THSD4: variants seen among roughly 807,000 people sequenced by gnomAD.
THSD4 encodes the protein thrombospondin type-1 domain-containing protein 4.
Under a neutral mutation model 119.0 loss-of-function variants are expected in THSD4, and 69 were observed. The ratio of observed to expected loss-of-function variants is 0.58; its 90% CI spans 0.48 to 0.71. The LOEUF is 0.71. Ranked by LOEUF, THSD4 falls within the 30% of genes least tolerant of loss-of-function variation. THSD4 has a pLI of 0.00. For missense variants in THSD4, 1,393 were observed against 1,391.1 expected (o/e 1.00, Z -0.02); for synonymous variants, 524 against 540.4 (o/e 0.97, Z 0.42).
intron 6 of THSD4, among the ~76,000 whole-genome samples, chr15:71,383,901 G>C (rs1228015519): frequency 6.6e-6 from 1 of 152,112 alleles, no homozygotes; most frequent in Non-Finnish European, 1.5e-5. Context: ...TTTTACATAG[G>C]AGACTTGATC....
chr15:71,266,780 G>C (rs2044469705), intron 6 of THSD4, among the ~76,000 whole-genome samples: 1 of 151,914 alleles, frequency 6.6e-6, no homozygotes, highest in African/African-American at 2.4e-5. Flanking sequence ...ACCTGATGGA[G>C]CTGAAAACCA....
At chr15:71,139,592 A>G (rs879636833) in intron 1 of THSD4, among the ~76,000 whole-genome samples, 5 of 152,218 alleles carry the variant, frequency 3.3e-5, no homozygotes, top group African/African-American at 1.2e-4. Context: ...GCTGATGGCT[A>G]ATTAGGGATG....
intron 7 of THSD4, among the ~76,000 whole-genome samples, chr15:71,624,572 C>T (rs545537722): frequency 6.6e-6 from 1 of 152,216 alleles, no homozygotes; most frequent in East Asian, 1.9e-4. Flanking sequence ...TTAATTGAAA[C>T]CCTGTGTTTT....
intron 1 of THSD4, among the ~76,000 whole-genome samples, chr15:71,108,368 A>G (rs1242721228): frequency 6.6e-6 from 1 of 152,254 alleles, no homozygotes; most frequent in Non-Finnish European, 1.5e-5. Flanking sequence ...CATGAGGGAA[A>G]ACCCACAAGG....
intron 6 of THSD4, among the ~76,000 whole-genome samples, chr15:71,389,353 G>C (rs1301596918): frequency 6.6e-6 from 1 of 151,900 alleles, no homozygotes; most frequent in Non-Finnish European, 1.5e-5. Context: ...ACTACTCTAG[G>C]TACCTCCGAG....
rs921779116 is a variant in THSD4, at chr15:71,777,715, C to T, written c.*341C>T. 9.6e-6 allele frequency: 3 copies of T among 313,586 alleles called. No homozygotes were observed. The highest frequency in any genetic ancestry group is 1.8e-5 in the Non-Finnish European group (3 of 162,882). 19.4% of individuals were successfully genotyped at this position (313,586 alleles called of 1,614,324 possible). A position where few individuals can be genotyped will look rare whatever the true frequency, so the allele number is the denominator to read the frequency against. On this transcript the variant is annotated 3_prime_UTR_variant, in exon 18 of 18. Coordinates refer to ENST00000261862, the MANE Select transcript of THSD4 (RefSeq NM_024817.3). The stretch of plus-strand genomic sequence containing the variant: ...TGGCACCTTCAAGTCAGCAGATGGG[C>T]CACTGACTGAGCACTGCCCCGTCCC...
At chr15:71,480,942 CT>C (rs550132877) in intron 7 of THSD4, among the ~76,000 whole-genome samples, 2 of 152,090 alleles carry the variant, frequency 1.3e-5, no homozygotes, top group African/African-American at 4.8e-5. Context: ...ACCTGATTGA[CT>C]TTTTTTATAG....
chr15:71,412,906 GT>G (rs2046709116), intron 7 of THSD4, among the ~76,000 whole-genome samples: 1 of 152,222 alleles, frequency 6.6e-6, no homozygotes, highest in African/African-American at 2.4e-5. Context: ...GACATACAGT[GT>G]GTAATGATCA....
chr15:71,442,664 A>ATGTATGTATG (rs1414242246), intron 7 of THSD4, among the ~76,000 whole-genome samples: 1 of 33,472 alleles, frequency 3.0e-5, no homozygotes. Flanking sequence ...GTGTGTGTAT[A>ATGTATGTATG]TATATATATA....
At chr15:71,142,782 G>A (rs1228736153) in intron 2 of THSD4, among the ~76,000 whole-genome samples, 2 of 152,232 alleles carry the variant, frequency 1.3e-5, no homozygotes. Flanking sequence ...GGGGAAGGAA[G>A]AACGTTTTGT....
chr15:71,519,560 C>G (rs2048409857), intron 7 of THSD4, among the ~76,000 whole-genome samples: 1 of 152,128 alleles, frequency 6.6e-6, no homozygotes, highest in Non-Finnish European at 1.5e-5. Context: ...CAGTGTTTCA[C>G]CGTGTTGGCC....
intron 6 of THSD4, among the ~76,000 whole-genome samples, chr15:71,367,470 T>A (rs368666690): frequency 1.3e-5 from 2 of 152,326 alleles, no homozygotes; most frequent in South Asian, 4.1e-4. Flanking sequence ...TGTGTGATGT[T>A]CCCCTTCCTG....
intron 8 of THSD4, among the ~76,000 whole-genome samples, chr15:71,673,302 G>A (rs1272639791): frequency 6.6e-6 from 1 of 152,110 alleles, no homozygotes; most frequent in Non-Finnish European, 1.5e-5. Flanking sequence ...TTCTCTGATG[G>A]TAGTTTGTAT....
At chr15:71,525,540 G>A (rs1263156339) in intron 7 of THSD4, among the ~76,000 whole-genome samples, 1 of 152,202 alleles carries the variant, frequency 6.6e-6, no homozygotes, top group East Asian at 1.9e-4. Flanking sequence ...TATGAGTTGA[G>A]AGTCAGTTAT....
At chr15:71,656,670 C>T (rs59336637) in intron 7 of THSD4, among the ~76,000 whole-genome samples, 16,504 of 152,194 alleles carry the variant, frequency 0.11, 953 homozygotes, top group East Asian at 0.2. Context: ...CTTTGACCTC[C>T]GACTTTTACC....
intron 7 of THSD4, among the ~76,000 whole-genome samples, chr15:71,565,673 C>CT (rs997105433): frequency 6.6e-6 from 1 of 152,260 alleles, no homozygotes; most frequent in East Asian, 1.9e-4. Context: ...CAGGGACTCT[C>CT]TTTTTTTAAG....
upstream of THSD4, among the ~76,000 whole-genome samples, chr15:71,114,038 C>T (rs1436543003): frequency 6.6e-6 from 1 of 152,052 alleles, no homozygotes; most frequent in Admixed American, 6.6e-5. Context: ...AATCTAATCC[C>T]ATTTACACCA....
At chr15:71,393,111 G>T (rs529731446) in intron 6 of THSD4, among the ~76,000 whole-genome samples, 1 of 152,218 alleles carries the variant, frequency 6.6e-6, no homozygotes, top group South Asian at 2.1e-4. Context: ...AAAGTCCTGG[G>T]GAGGAATGAA....
chr15:71,715,175 A>G (rs545541142), intron 8 of THSD4, among the ~76,000 whole-genome samples: 126 of 152,344 alleles, frequency 8.3e-4, no homozygotes, highest in Non-Finnish European at 1.6e-3. Context: ...ACTCAAAAAC[A>G]CCAAAGTTTG....
Sources: gnomAD v4.1 joint callset for allele counts (sites outside exome capture counted in the v4.1 genomes callset) on GRCh38, gnomAD v4.1.1 for gene constraint, MANE v1.5 for transcripts, NCBI Gene and HGNC (gene_info 2026-07-23, HGNC 2026-07-21) for gene names.